Variants in DNAJB5 observed in about 807,000 individuals in gnomAD.
DNAJB5 encodes the protein DnaJ heat shock protein family (Hsp40) member B5.
A neutral mutation model predicts 32.6 loss-of-function variants in DNAJB5; 12 were observed. The ratio of observed to expected loss-of-function variants is 0.37; its 90% confidence interval spans 0.24 to 0.60. The LOEUF (loss-of-function observed/expected upper bound fraction) is 0.60, where lower values mean the gene tolerates loss of function less well. Among genes scored for constraint, DNAJB5 ranks in the 20% least tolerant of loss-of-function variants. The pLI is 0.71. For synonymous variants in DNAJB5, 188 were observed against 212.9 expected (o/e 0.88, Z 1.02); for missense variants, 358 against 554.2 (o/e 0.65, Z 3.55).
chr9:34,989,770 G>A lies in DNAJB5; in HGVS notation c.-194G>A. The A allele has an allele frequency of 1.6e-6, 2 of 1,231,418 alleles. No homozygotes were observed. The highest frequency in any genetic ancestry group is 2.0e-6 in the Non-Finnish European group (2 of 987,620). 76.3% of individuals were successfully genotyped at this position (1,231,418 alleles called of 1,614,324 possible). ...GTCCCGGGTGGAGGCGGCGGAGCCG[G>A]AGCCGGGGGAGGGGGCAGCGGCTGT... On this transcript the variant is annotated 5_prime_UTR_variant, in exon 1 of 5. Transcript: ENST00000682809.
intron 3 of DNAJB5, among the ~76,000 whole-genome samples, chr9:34,994,779 A>G (rs1827746256): frequency 6.6e-6 from 1 of 152,172 alleles, no homozygotes; most frequent in Non-Finnish European, 1.5e-5. Flanking sequence ...AGGATGCGGC[A>G]TGGCCTTAAG....
chr9:34,991,125 T>C, intron 2 of DNAJB5: 2 of 440,576 alleles, frequency 4.5e-6, no homozygotes, highest in Non-Finnish European at 8.5e-6. Context: ...TCCCCCTCCA[T>C]CAGTACCTCA....
Position 34,997,754 on chromosome 9 carries a change from C to A in DNAJB5, c.*495C>A. 1 of 287,080 alleles carries A rather than the reference C, an allele frequency of 3.5e-6. No homozygotes were observed. The highest frequency in any genetic ancestry group is 6.9e-6 in the Non-Finnish European group (1 of 145,524). 17.8% of individuals were successfully genotyped at this position (287,080 alleles called of 1,614,324 possible). On this transcript the variant is annotated 3_prime_UTR_variant, in exon 5 of 5. Transcript: ENST00000682809. The surrounding 1 kb of genome is among the most constrained non-coding windows in gnomAD (Gnocchi z 4.1). ...GGCACACATATTCATGCACAAGAAGCACTCACCTAGAGCTGTCTGTGCCTC... is the reference window on the plus strand; with the variant it reads ...GGCACACATATTCATGCACAAGAAGAACTCACCTAGAGCTGTCTGTGCCTC...
rs958233198 is a variant in DNAJB5 at position 34,990,043 on chromosome 9, G to A, written c.-133+212G>A. Among the ~76,000 whole-genome samples the A allele has an allele frequency of 2.6e-5, 4 of 151,974 alleles. No individual in the cohort carries two copies. The highest frequency in any genetic ancestry group is 9.7e-5 in the African/African-American group (4 of 41,388). On this transcript the variant is annotated intron_variant, in intron 1 of 4. Transcript: ENST00000682809. The surrounding 1 kb of genome is among the most constrained non-coding windows in gnomAD (Gnocchi z 4.5). ...CGTCTGAGTCGGGGAGGGGAGGGGA[G>A]GGGAGGGTCGAGTCGGACCGGACCA...
rs1369739203 is a variant in DNAJB5 at position 34,997,230 on chromosome 9, A to G, written c.1234A>G (p.Ile412Val). The G allele has an allele frequency of 6.2e-7, 1 of 1,614,128 alleles. No individual in the cohort carries two copies. Among genetic ancestry groups the G allele is most frequent in the Non-Finnish European group, 8.5e-7 (1 of 1,180,018 alleles). Residue 412 changes from isoleucine to valine, a missense_variant, in exon 5 of 5, where the codon ATC (isoleucine) becomes GTC (valine). By Grantham distance (29) the Ile-to-Val change is conservative (BLOSUM62 3). Coordinates refer to ENST00000682809, the MANE Select transcript of DNAJB5 (RefSeq NM_001349723.3). This position sits in a 1 kb window ranked among gnomAD's most constrained non-coding sequence, Gnocchi z 4.1. ...CAGATTAACACCACAGACAAGACAG[A>G]TCCTTAAGCAGCACCTACCCTGTTC... ...PDRLTPQTRQ[I>V]LKQHLPCS
In DNAJB5 at chr9:34,993,100, T is replaced by C. The variant is rs1827697612; in HGVS notation, c.183-100T>C. On this transcript the variant is annotated intron_variant, in intron 2 of 4. Coordinates refer to ENST00000682809, the MANE Select transcript of DNAJB5 (RefSeq NM_001349723.3). This position sits in a 1 kb window ranked among gnomAD's most constrained non-coding sequence, Gnocchi z 4.7. ...GGCCCACAGAACAGGCATGACCTGC[T>C]GAAGGTTACCCAGGGAGTCATTTAG... The C allele has an allele frequency of 6.8e-7, 1 of 1,473,720 alleles. No individual in the cohort carries two copies. The allele number at this position is 1,473,720 out of a possible 1,614,324, so 91.3% of individuals were successfully genotyped here. A position where few individuals can be genotyped will look rare whatever the true frequency, so the allele number is the denominator to read the frequency against.
At chr9:34,992,421 A>G (rs1827674574) in intron 2 of DNAJB5, 1 of 152,268 alleles carries the variant, frequency 6.6e-6, no homozygotes, top group South Asian at 2.1e-4. Flanking sequence ...TTGTTCACTC[A>G]CACTGGTGCT....
chr9:34,998,238 T>G lies in DNAJB5; in HGVS notation c.*979T>G, dbSNP rs1428216773. On this transcript the variant is annotated 3_prime_UTR_variant, in exon 5 of 5. Coordinates refer to ENST00000682809, the MANE Select transcript of DNAJB5 (RefSeq NM_001349723.3). ...AATTTCCAGCCCTTTTATGCCTGTGTGATCCCACCCCACCCCCATAGTTGT... is the reference window on the plus strand; with the variant it reads ...AATTTCCAGCCCTTTTATGCCTGTGGGATCCCACCCCACCCCCATAGTTGT... 3 of 152,610 alleles carry G rather than the reference T, an allele frequency of 2.0e-5. No homozygotes were observed. The highest frequency in any genetic ancestry group is 2.9e-5 in the Non-Finnish European group (2 of 68,042). The allele number at this position is 152,610 out of a possible 1,614,324, so 9.5% of individuals were successfully genotyped here. A position where few individuals can be genotyped will look rare whatever the true frequency, so the allele number is the denominator to read the frequency against.
chr9:34,989,792 C>G lies in DNAJB5; in HGVS notation c.-172C>G. ...CCGGAGCCGGGGGAGGGGGCAGCGGCTGTCTCACGGACCACGGCGGCGCCC... is the reference window on the plus strand; with the variant it reads ...CCGGAGCCGGGGGAGGGGGCAGCGGGTGTCTCACGGACCACGGCGGCGCCC... On this transcript the variant is annotated 5_prime_UTR_variant, in exon 1 of 5. Coordinates refer to ENST00000682809, the MANE Select transcript of DNAJB5 (RefSeq NM_001349723.3). The G allele has an allele frequency of 8.1e-7, 1 of 1,231,540 alleles. No homozygotes were observed. Among genetic ancestry groups the G allele is most frequent in the South Asian group, 4.1e-5 (1 of 24,526 alleles). 76.3% of individuals were successfully genotyped at this position (1,231,540 alleles called of 1,614,324 possible).
At position 34,990,461 on chromosome 9, in the gene DNAJB5, C is replaced by A; in HGVS notation, c.-132-38C>A. On this transcript the variant is annotated intron_variant, in intron 1 of 4. Coordinates refer to ENST00000682809, the MANE Select transcript of DNAJB5 (RefSeq NM_001349723.3). The surrounding 1 kb of genome is among the most constrained non-coding windows in gnomAD (Gnocchi z 4.5). ...TGCTGCACCTGAGAGCAGGTGGCCG[C>A]GGGTCTTCTCCCTTCACTCTCCACA... The A allele has an allele frequency of 6.5e-7, 1 of 1,535,046 alleles. No individual in the cohort carries two copies. Among genetic ancestry groups the A allele is most frequent in the Non-Finnish European group, 8.7e-7 (1 of 1,146,300 alleles).
In DNAJB5 at chr9:34,997,195, G is replaced by T. The variant is rs745724497; in HGVS notation, c.1199G>T (p.Arg400Leu). Residue 400 changes from arginine to leucine, a missense_variant, in exon 5 of 5, where the codon CGC (arginine) becomes CTC (leucine). Arg to Leu is a moderately radical substitution (Grantham distance 102). Transcript: ENST00000682809. The surrounding 1 kb of genome is among the most constrained non-coding windows in gnomAD (Gnocchi z 4.1). Reference sequence around the variant, plus strand: ...GACCTCATTGTTGAGTTCAAAGTTCGCTTCCCAGACAGATTAACACCACAG... The same window carrying T: ...GACCTCATTGTTGAGTTCAAAGTTCTCTTCCCAGACAGATTAACACCACAG... ...RGDLIVEFKV[R>L]FPDRLTPQTR... 1.2e-6 allele frequency: 2 copies of T among 1,614,082 alleles called. No individual in the cohort carries two copies. The highest frequency in any genetic ancestry group is 1.7e-6 in the Non-Finnish European group (2 of 1,180,008).
In DNAJB5 at chr9:34,990,619, G is replaced by A. The variant is rs559355557; in HGVS notation, c.-12G>A. The A allele has an allele frequency of 2.6e-6, 4 of 1,551,498 alleles. No homozygotes were observed. In the South Asian group the frequency reaches 3.6e-5, roughly 14 times the overall value. On this transcript the variant is annotated 5_prime_UTR_variant, in exon 2 of 5. Transcript: ENST00000682809. The surrounding 1 kb of genome is among the most constrained non-coding windows in gnomAD (Gnocchi z 4.5). Reference sequence around the variant, plus strand: ...CCGGTGGAGCGATCAGAGGTGAGGGGCTTGGCTGGGCATGTTTAAGCGCAC... The same window carrying A: ...CCGGTGGAGCGATCAGAGGTGAGGGACTTGGCTGGGCATGTTTAAGCGCAC...
At chr9:34,994,846 G>C (rs1217870695) in intron 3 of DNAJB5, among the ~76,000 whole-genome samples, 2 of 152,116 alleles carry the variant, frequency 1.3e-5, no homozygotes, top group African/African-American at 2.4e-5. Flanking sequence ...TTATATTTCT[G>C]TCCACCCTGC....
chr9:34,997,021 C>G lies in DNAJB5; in HGVS notation c.1030-5C>G. ...TTTCCTCACTTTCTGCTTCGTCTTT[C>G]CCAGGCGCTGTGTGGCTGCACTGTG... On this transcript the variant is annotated splice_region_variant and splice_polypyrimidine_tract_variant and intron_variant, in intron 4 of 4. Coordinates refer to ENST00000682809, the MANE Select transcript of DNAJB5 (RefSeq NM_001349723.3). The surrounding 1 kb of genome is among the most constrained non-coding windows in gnomAD (Gnocchi z 4.1). 1 of 1,611,974 alleles carries G rather than the reference C, an allele frequency of 6.2e-7. No individual in the cohort carries two copies. The highest frequency in any genetic ancestry group is 8.5e-7 in the Non-Finnish European group (1 of 1,179,968).
chr9:34,996,378 G>A lies in DNAJB5; in HGVS notation c.541G>A (p.Asp181Asn), dbSNP rs752945019. 9 of 1,613,994 alleles carry A rather than the reference G, an allele frequency of 5.6e-6. No homozygotes were observed. The highest frequency in any genetic ancestry group is 3.3e-5 in the South Asian group (3 of 91,080). Residue 181 changes from aspartate to asparagine, a missense_variant, in exon 4 of 5, where the codon GAT (aspartate) becomes AAT (asparagine). Asp to Asn is a conservative substitution (Grantham distance 23). Coordinates refer to ENST00000682809, the MANE Select transcript of DNAJB5 (RefSeq NM_001349723.3). This position sits in a 1 kb window ranked among gnomAD's most constrained non-coding sequence, Gnocchi z 7.2. ...CTTCTTTGGTGGCTCCAACCCCTTC[G>A]ATATCTTCTTTGCCAGCAGCCGCTC... ...ASFFGGSNPFDIFFASSRSTR... is the reference protein window; with the variant it reads ...ASFFGGSNPFNIFFASSRSTR...
intron 3 of DNAJB5, among the ~76,000 whole-genome samples, chr9:34,995,571 A>G (rs1029419932): frequency 1.3e-5 from 2 of 152,236 alleles, no homozygotes; most frequent in African/African-American, 2.4e-5. Context: ...TGTCTGTACA[A>G]TGTGTGAATG....
Position 34,996,515 on chromosome 9 carries a change from G to A in DNAJB5, c.678G>A (p.Arg226=). The A allele has an allele frequency of 6.2e-7, 1 of 1,614,146 alleles. No individual in the cohort carries two copies. The highest frequency in any genetic ancestry group is 2.2e-5 in the East Asian group (1 of 44,876). ...TCAATGGGCTGAGTAGGGGTCCAAG[G>A]CGAGCCCCAGAACCACTGTACCCTC... is the stretch of plus-strand genomic sequence containing the variant. The part of the protein sequence containing the change: ...FGFNGLSRGP[R]RAPEPLYPRR... Residue 226 remains arginine, a synonymous_variant, in exon 4 of 5, where the codon AGG becomes AGA. Transcript: ENST00000682809. This position sits in a 1 kb window ranked among gnomAD's most constrained non-coding sequence, Gnocchi z 7.2.
At position 34,990,047 on chromosome 9, in the gene DNAJB5, A is replaced by C. The variant is rs1247894473; in HGVS notation, c.-133+216A>C. Among the ~76,000 whole-genome samples, 1 of 132,952 alleles carries C rather than the reference A, an allele frequency of 7.5e-6. No individual in the cohort carries two copies. The highest frequency in any genetic ancestry group is 1.6e-5 in the Non-Finnish European group (1 of 61,414). 87.2% of individuals were successfully genotyped at this position (132,952 alleles called of 152,430 possible). ...TGAGTCGGGGAGGGGAGGGGAGGGG[A>C]GGGTCGAGTCGGACCGGACCAGATT... On this transcript the variant is annotated intron_variant, in intron 1 of 4. Coordinates refer to ENST00000682809, the MANE Select transcript of DNAJB5 (RefSeq NM_001349723.3). This position sits in a 1 kb window ranked among gnomAD's most constrained non-coding sequence, Gnocchi z 4.5.
At chr9:34,995,341 C>A (rs139843879) in intron 3 of DNAJB5, among the ~76,000 whole-genome samples, 1 of 152,082 alleles carries the variant, frequency 6.6e-6, no homozygotes, top group Non-Finnish European at 1.5e-5. Context: ...CAGTGTGAAC[C>A]GTCTCCCCAC....
Sources: allele counts gnomAD v4.1 joint callset (sites outside exome capture counted in the v4.1 genomes callset), GRCh38; gene constraint gnomAD v4.1.1; non-coding constraint Gnocchi (gnomAD v3.1); transcripts MANE v1.5; gene names NCBI Gene and HGNC (gene_info 2026-07-23, HGNC 2026-07-21).